Variants in CEP85L observed in about 807,000 individuals in gnomAD.
CEP85L encodes the protein centrosomal protein of 85 kDa-like.
Under a neutral mutation model 100.3 loss-of-function variants are expected in CEP85L, and 60 were observed. That is an observed-to-expected ratio of 0.60 (90% CI 0.49 to 0.74). The LOEUF (loss-of-function observed/expected upper bound fraction) is 0.74. CEP85L is among the 30% of genes least tolerant of loss of function. The probability of loss-of-function intolerance (pLI) is 0.00; values close to 1 mark genes in which losing one functional copy is unlikely to be tolerated. For missense variants in CEP85L, 973 were observed against 936.2 expected (o/e 1.04, Z -0.51); for synonymous variants, 319 against 322.7 (o/e 0.99, Z 0.12).
intron 1 of CEP85L, among the ~76,000 whole-genome samples, chr6:118,644,958 T>C (rs1775087995): frequency 6.6e-6 from 1 of 152,214 alleles, no homozygotes; most frequent in South Asian, 2.1e-4. Flanking sequence ...ATGGGAACAG[T>C]ATCTGCCTCA....
intron 6 of CEP85L, among the ~76,000 whole-genome samples, chr6:118,489,978 T>C (rs1233263663): frequency 2.7e-5 from 4 of 150,852 alleles, no homozygotes; most frequent in African/African-American, 9.9e-5. Context: ...CGTGTGTGTA[T>C]ATATATACAC....
intron 1 of CEP85L, among the ~76,000 whole-genome samples, chr6:118,675,337 G>C (rs1204807574): frequency 6.6e-6 from 1 of 151,950 alleles, no homozygotes; most frequent in Non-Finnish European, 1.5e-5. Flanking sequence ...AGGGGTTGAG[G>C]GAGGGGGCAA....
At chr6:118,577,849 TC>T (rs1780333050) in intron 2 of CEP85L, among the ~76,000 whole-genome samples, 2 of 152,160 alleles carry the variant, frequency 1.3e-5, no homozygotes, top group African/African-American at 2.4e-5. Context: ...TAACCTTTAC[TC>T]CCCTTGCAAT....
intron 2 of CEP85L, among the ~76,000 whole-genome samples, chr6:118,625,598 C>A (rs879309896): frequency 2.0e-5 from 3 of 152,180 alleles, no homozygotes; most frequent in Non-Finnish European, 2.9e-5. Context: ...GACTTACTAA[C>A]AGCTAAAAGA....
rs192889869 is a variant in CEP85L, at chr6:118,620,002, G to A, written c.232+12451C>T. ...GACTCAGATCATGAAGATTGGAGCC[G>A]CAGGCATTTGCTAACTTGTATCTTG... On this transcript the variant is annotated intron_variant, in intron 2 of 12. Coordinates refer to ENST00000368491, the MANE Select transcript of CEP85L (RefSeq NM_001042475.3). 9.9e-5 allele frequency among the ~76,000 whole-genome samples: 15 copies of A among 152,276 alleles called. No homozygotes were observed. The East Asian group carries it at 1.2e-3, about 12-fold the overall frequency.
At chr6:118,533,444 T>C (rs751271361) in intron 3 of CEP85L, among the ~76,000 whole-genome samples, 3 of 147,946 alleles carry the variant, frequency 2.0e-5, no homozygotes, top group Admixed American at 1.3e-4. Context: ...CTATAAACTA[T>C]TAGAGTAATT....
intron 2 of CEP85L, among the ~76,000 whole-genome samples, chr6:118,607,666 T>A (rs1463674335): frequency 6.6e-6 from 1 of 152,032 alleles, no homozygotes; most frequent in Admixed American, 6.5e-5. Context: ...CAACCCACTG[T>A]GTCTTAGGAG....
At chr6:118,558,684 GAGA>G in intron 3 of CEP85L, 5 of 526,536 alleles carry the variant, frequency 9.5e-6, no homozygotes, top group South Asian at 4.2e-5. Flanking sequence ...GAGAGAGAGA[GAGA>G]GGGAGAGAGA....
intron 1 of CEP85L, among the ~76,000 whole-genome samples, chr6:118,646,601 G>A (rs1381075201): frequency 6.6e-6 from 1 of 151,782 alleles, no homozygotes; most frequent in Non-Finnish European, 1.5e-5. Flanking sequence ...CCCCGGAGAC[G>A]GAGGTTGCTG....
At chr6:118,621,989 A>G (rs1322625738) in intron 2 of CEP85L, among the ~76,000 whole-genome samples, 21 of 152,168 alleles carry the variant, frequency 1.4e-4, no homozygotes, top group Admixed American at 1.3e-3. Flanking sequence ...AAGCCTTCCC[A>G]CGGGACAAAA....
At chr6:118,554,395 C>T (rs1029660538) in intron 3 of CEP85L, among the ~76,000 whole-genome samples, 32 of 152,130 alleles carry the variant, frequency 2.1e-4, no homozygotes, top group Admixed American at 1.7e-3. Context: ...ATTCGTCCCG[C>T]CTAGGCCTTC....
intron 1 of CEP85L, among the ~76,000 whole-genome samples, chr6:118,664,770 G>A (rs1776079323): frequency 6.6e-6 from 1 of 151,820 alleles, no homozygotes; most frequent in Non-Finnish European, 1.5e-5. Flanking sequence ...AAAAATAATC[G>A]CAGTGACCAC....
intron 1 of CEP85L, among the ~76,000 whole-genome samples, chr6:118,642,992 G>A (rs1774974971): frequency 6.6e-6 from 1 of 152,140 alleles, no homozygotes; most frequent in Non-Finnish European, 1.5e-5. Flanking sequence ...TAAAAACTGG[G>A]AAAATAAGGT....
At position 118,517,684 on chromosome 6, in the gene CEP85L, C is replaced by G. The variant is rs148711185; in HGVS notation, c.1139+6118G>C. Among the ~76,000 whole-genome samples the G allele has an allele frequency of 1.7e-3, 253 of 152,302 alleles. 5 individuals carry two copies. In the East Asian group the frequency reaches 0.045, roughly 27 times the overall value. On this transcript the variant is annotated intron_variant, in intron 4 of 12. Coordinates refer to ENST00000368491, the MANE Select transcript of CEP85L (RefSeq NM_001042475.3). The stretch of plus-strand genomic sequence containing the variant: ...AATATACAATCATGTCATCTGCAAA[C>G]AGAGACAATTTGACTTCCTCTCTTC...
chr6:118,474,500 C>T (rs1434591009), intron 10 of CEP85L, among the ~76,000 whole-genome samples: 1 of 152,186 alleles, frequency 6.6e-6, no homozygotes, highest in African/African-American at 2.4e-5. Context: ...CCTCAATCCC[C>T]TTATGGGATG....
chr6:118,554,802 G>C (rs975166598), intron 3 of CEP85L, among the ~76,000 whole-genome samples: 1 of 152,174 alleles, frequency 6.6e-6, no homozygotes, highest in Non-Finnish European at 1.5e-5. Flanking sequence ...ACAATCAAAA[G>C]GTGGAGAACA....
chr6:118,689,397 T>C (rs1305466945), intron 1 of CEP85L, among the ~76,000 whole-genome samples: 1 of 152,206 alleles, frequency 6.6e-6, no homozygotes, highest in Non-Finnish European at 1.5e-5. Flanking sequence ...CTTCAACCTT[T>C]CAGGTGTTCA....
chr6:118,464,573 G>C lies in CEP85L; in HGVS notation c.*832C>G, dbSNP rs1772386381. On this transcript the variant is annotated 3_prime_UTR_variant, in exon 13 of 13. Transcript: ENST00000368491. ...CCAATGCCTTTATTAATTATATATGGCTTTGTTTACATTTATATATGTATA... is the reference window on the plus strand; with the variant it reads ...CCAATGCCTTTATTAATTATATATGCCTTTGTTTACATTTATATATGTATA... The C allele has an allele frequency of 6.6e-6, 1 of 151,482 alleles. No individual in the cohort carries two copies. The highest frequency in any genetic ancestry group is 1.5e-5 in the Non-Finnish European group (1 of 67,868). 9.4% of individuals were successfully genotyped at this position (151,482 alleles called of 1,614,324 possible).
intron 2 of CEP85L, among the ~76,000 whole-genome samples, chr6:118,613,572 C>T (rs550316696): frequency 1.2e-4 from 18 of 152,100 alleles, no homozygotes; most frequent in African/African-American, 3.9e-4. Context: ...GCCTGGTCAA[C>T]ATGGCAAAAT....
Sources: allele counts gnomAD v4.1 joint callset (sites outside exome capture counted in the v4.1 genomes callset), GRCh38; gene constraint gnomAD v4.1.1; transcripts MANE v1.5; gene names NCBI Gene and HGNC (gene_info 2026-07-23, HGNC 2026-07-21).